Variants in PCDH11X observed in about 807,000 individuals in gnomAD.
PCDH11X encodes protocadherin 11 X-linked.
PCDH11X carries 18 observed loss-of-function variants against 53.3 expected under a neutral mutation model. The ratio of observed to expected loss-of-function variants is 0.34; its 90% CI spans 0.23 to 0.50. The LOEUF (loss-of-function observed/expected upper bound fraction) is 0.50, where lower values mean the gene tolerates loss of function less well. Ranked by LOEUF, PCDH11X falls within the 20% of genes least tolerant of loss-of-function variation. The pLI is 0.98. For missense variants in PCDH11X, 570 were observed against 1,032.4 expected (o/e 0.55, Z 6.14); for synonymous variants, 279 against 393.3 (o/e 0.71, Z 3.44).
chrX:92,354,708 T>C (rs994204575), intron 8 of PCDH11X, among the ~76,000 whole-genome samples: 1 of 111,659 alleles, frequency 9.0e-6, no homozygotes, highest in Non-Finnish European at 1.9e-5. Context: ...TTTTCATCAC[T>C]AAGGCAAGTG....
intron 8 of PCDH11X, among the ~76,000 whole-genome samples, chrX:92,293,680 G>T (rs1192927556): frequency 9.2e-6 from 1 of 109,085 alleles, no homozygotes; most frequent in Non-Finnish European, 1.9e-5. Flanking sequence ...ATTTTGGCAC[G>T]CAGAAGCACA....
chrX:92,248,278 T>A (rs2067389317), intron 7 of PCDH11X, among the ~76,000 whole-genome samples: 2 of 111,609 alleles, frequency 1.8e-5, no homozygotes, highest in Admixed American at 1.9e-4. Flanking sequence ...TGAAACTAAA[T>A]CCTTAGGGAT....
rs1275132331 is a variant in PCDH11X, at chrX:92,304,152, C to G, written c.3144+41009C>G. Among the ~76,000 whole-genome samples, 20 of 105,780 alleles carry G rather than the reference C, an allele frequency of 1.9e-4. No individual in the cohort carries two copies. In the East Asian group the frequency reaches 5.7e-3, roughly 30 times the overall value. 91.9% of individuals were successfully genotyped at this position (105,780 alleles called of 115,157 possible). On this transcript the variant is annotated intron_variant, in intron 8 of 10. Transcript: ENST00000682573. ...CTATGTGGATGGTATTAATCAGATA[C>G]CTGAAAAATTCTTCCCTTATGTTTC...
intron 4 of PCDH11X, among the ~76,000 whole-genome samples, chrX:91,824,390 C>A (rs1439242659): frequency 1.8e-5 from 2 of 110,180 alleles, no homozygotes; most frequent in African/African-American, 6.7e-5. Flanking sequence ...ATTCTTTTTT[C>A]TCTAAACTTC....
chrX:92,085,334 A>G (rs1232351841), intron 6 of PCDH11X, among the ~76,000 whole-genome samples: 1 of 110,648 alleles, frequency 9.0e-6, no homozygotes, highest in African/African-American at 3.3e-5. Flanking sequence ...AAGTACGGAA[A>G]CAGCCTCAAT....
chrX:92,022,974 A>T (rs2062910339), intron 6 of PCDH11X, among the ~76,000 whole-genome samples: 1 of 110,596 alleles, frequency 9.0e-6, no homozygotes, highest in African/African-American at 3.3e-5. Context: ...ACCAGTGAGA[A>T]CAAAGAGACA....
At chrX:91,786,957 A>T (rs2147512903) in intron 1 of PCDH11X, among the ~76,000 whole-genome samples, 1 of 111,642 alleles carries the variant, frequency 9.0e-6, no homozygotes, top group South Asian at 3.7e-4. Flanking sequence ...ATATTAAAAT[A>T]ACTTTTTCAG....
chrX:92,014,059 T>C (rs2062744260), intron 6 of PCDH11X, among the ~76,000 whole-genome samples: 2 of 111,791 alleles, frequency 1.8e-5, no homozygotes, highest in South Asian at 7.6e-4. Flanking sequence ...GAAGAACTTC[T>C]GCACAGCAAA....
chrX:92,586,394 A>G (rs1217836458), intron 10 of PCDH11X, among the ~76,000 whole-genome samples: 2 of 110,825 alleles, frequency 1.8e-5, no homozygotes, highest in African/African-American at 3.3e-5. Flanking sequence ...TTCAAATTAT[A>G]TAAGAGTAAG....
chrX:91,847,725 C>G (rs1001249675), intron 5 of PCDH11X, among the ~76,000 whole-genome samples: 1 of 111,385 alleles, frequency 9.0e-6, no homozygotes, highest in African/African-American at 3.3e-5. Flanking sequence ...TGTCTAACAG[C>G]AGAAACGCTG....
At chrX:91,996,170 G>A (rs1164023573) in intron 6 of PCDH11X, among the ~76,000 whole-genome samples, 1 of 72,918 alleles carries the variant, frequency 1.4e-5, no homozygotes, top group Non-Finnish European at 2.5e-5. Context: ...TTTTGAGACG[G>A]AGGTTCAGTC....
intron 10 of PCDH11X, among the ~76,000 whole-genome samples, chrX:92,475,269 T>C (rs998845026): frequency 2.7e-5 from 3 of 110,225 alleles, no homozygotes; most frequent in African/African-American, 9.9e-5. Context: ...CAGTCAGTTT[T>C]GTACCTTTGT....
chrX:91,911,268 C>G (rs952480395), intron 6 of PCDH11X, among the ~76,000 whole-genome samples: 10 of 108,870 alleles, frequency 9.2e-5, no homozygotes, highest in African/African-American at 3.3e-4. Flanking sequence ...TAGTTCTATT[C>G]CCCTGTTATT....
intron 9 of PCDH11X, among the ~76,000 whole-genome samples, chrX:92,447,376 C>T (rs1378627793): frequency 9.0e-6 from 1 of 110,803 alleles, no homozygotes; most frequent in Non-Finnish European, 1.9e-5. Flanking sequence ...GCTCAGGTCC[C>T]TGTGCTGTGT....
At chrX:92,601,205 G>A (rs1013806400) in intron 10 of PCDH11X, among the ~76,000 whole-genome samples, 12 of 108,046 alleles carry the variant, frequency 1.1e-4, no homozygotes, top group African/African-American at 3.4e-4. Context: ...GAAATGTGAG[G>A]ACATGAGATT....
chrX:91,971,315 G>C (rs1309687289), intron 6 of PCDH11X, among the ~76,000 whole-genome samples: 2 of 108,791 alleles, frequency 1.8e-5, no homozygotes, highest in Non-Finnish European at 3.8e-5. Flanking sequence ...CTTATTCAGG[G>C]CATCTTGGTG....
intron 6 of PCDH11X, among the ~76,000 whole-genome samples, chrX:91,994,438 A>G (rs1320228537): frequency 7.4e-5 from 8 of 108,183 alleles, no homozygotes; most frequent in Non-Finnish European, 9.5e-5. Context: ...CATTTAGTAT[A>G]ATGTCCTCCG....
chrX:92,581,642 A>T (rs779449338), intron 10 of PCDH11X, among the ~76,000 whole-genome samples: 1 of 112,014 alleles, frequency 8.9e-6, no homozygotes, highest in East Asian at 2.8e-4. Context: ...GAACTAATAC[A>T]GTAAATTGGT....
rs1273088681 is a variant in PCDH11X at position 92,045,679 on chromosome X, C to T, written c.3034-155696C>T. Among the ~76,000 whole-genome samples the T allele has an allele frequency of 9.6e-5, 10 of 103,871 alleles. No homozygotes were observed. In the East Asian group the frequency reaches 3.2e-3, roughly 33 times the overall value. The allele number at this position is 103,871 out of a possible 115,157, so 90.2% of individuals were successfully genotyped here. ...TTCAGGCCAGGCGTGGTGGCTCACG[C>T]CTGTAATCCCAGCACTTTCGAAGGC... On this transcript the variant is annotated intron_variant, in intron 6 of 10. Transcript: ENST00000682573.
Sources: gnomAD v4.1 joint callset for allele counts (sites outside exome capture counted in the v4.1 genomes callset) on GRCh38, gnomAD v4.1.1 for gene constraint, MANE v1.5 for transcripts, NCBI Gene and HGNC (gene_info 2026-07-23, HGNC 2026-07-21) for gene names.